DNAH8: variants seen among roughly 807,000 people sequenced by gnomAD.
The protein encoded by DNAH8 is axonemal beta dynein heavy chain 8.
DNAH8 carries 382 observed loss-of-function variants against 562.1 expected under a neutral mutation model. That is an observed-to-expected ratio of 0.68 (90% CI 0.63 to 0.74). The LOEUF is 0.74. DNAH8 is among the 30% of genes least tolerant of loss of function. The probability of loss-of-function intolerance (pLI) is 0.00; values close to 1 mark genes in which losing one functional copy is unlikely to be tolerated. For synonymous variants in DNAH8, 1,881 were observed against 1,919.4 expected, an observed-to-expected ratio of 0.98 and a Z score of 0.52; for missense variants, 5,203 against 5,620.4, an observed-to-expected ratio of 0.93 and a Z score of 2.37.
At chr6:38,849,430 C>G (rs1028370666) in intron 37 of DNAH8, among the ~76,000 whole-genome samples, 86 of 151,992 alleles carry the variant, frequency 5.7e-4, no homozygotes, top group African/African-American at 2.0e-3. Flanking sequence ...AAATAAATGC[C>G]AATAACTGTA....
At position 38,937,479 on chromosome 6, in the gene DNAH8, C is replaced by T. The variant is rs143106145; in HGVS notation, c.11564-495C>T. On this transcript the variant is annotated intron_variant, in intron 77 of 92. Coordinates refer to ENST00000327475, the MANE Select transcript of DNAH8 (RefSeq NM_001206927.2). ...GAGGGATTAGAGTTTTCTATAGCAA[C>T]GACTGTTCTACTAAAGCAGTGTGAG... Among the ~76,000 whole-genome samples the T allele has an allele frequency of 1.5e-3, 222 of 152,226 alleles. 1 individual carries two copies. Among genetic ancestry groups the T allele is most frequent in the African/African-American group, 5.1e-3 (212 of 41,534 alleles).
intron 85 of DNAH8, among the ~76,000 whole-genome samples, chr6:38,981,809 C>A (rs1218215576): frequency 1.3e-5 from 2 of 152,190 alleles, no homozygotes; most frequent in African/African-American, 2.4e-5. Context: ...CTTGGCAAAT[C>A]TTTGGAGATT....
At position 39,013,542 on chromosome 6, in the gene DNAH8, A is replaced by C. The variant is rs1431739820; in HGVS notation, c.13714+905A>C. Among the ~76,000 whole-genome samples the C allele has an allele frequency of 2.0e-5, 3 of 152,322 alleles. No individual in the cohort carries two copies. The East Asian group carries it at 5.8e-4, about 29-fold the overall frequency. On this transcript the variant is annotated intron_variant, in intron 91 of 92. Transcript: ENST00000327475. ...AAGTCAGGATAATGACTGTAGAAGG[A>C]GGGCAGTGATTAGAAAAAGGCACAA...
At chr6:38,829,852 C>T (rs2150350260) in intron 30 of DNAH8, among the ~76,000 whole-genome samples, 1 of 152,266 alleles carries the variant, frequency 6.6e-6, no homozygotes, top group Non-Finnish European at 1.5e-5. Context: ...AACCAATCTC[C>T]AGAACTTGCA....
At chr6:38,864,455 A>G (rs1231041513) in intron 45 of DNAH8, among the ~76,000 whole-genome samples, 1 of 152,200 alleles carries the variant, frequency 6.6e-6, no homozygotes, top group African/African-American at 2.4e-5. Flanking sequence ...CTGTCATGCC[A>G]CATGTCCACT....
At position 38,979,024 on chromosome 6, in the gene DNAH8, C is replaced by T. The variant is rs370897029; in HGVS notation, c.12835-3322C>T. Among the ~76,000 whole-genome samples the T allele has an allele frequency of 9.2e-5, 14 of 152,358 alleles. No individual in the cohort carries two copies. In the South Asian group the frequency reaches 2.1e-3, roughly 23 times the overall value. ...CTTGAAGCACGTGACCACTGAGTTG[C>T]TGCTACTCACCAGAACTAGCCCGCT... On this transcript the variant is annotated intron_variant, in intron 85 of 92. Transcript: ENST00000327475.
chr6:39,005,801 T>G (rs935522743), intron 88 of DNAH8, among the ~76,000 whole-genome samples: 5 of 152,250 alleles, frequency 3.3e-5, no homozygotes, highest in African/African-American at 1.2e-4. Context: ...AGGAATTGAC[T>G]GCCAGTGTAA....
intron 7 of DNAH8, among the ~76,000 whole-genome samples, chr6:38,740,014 A>T (rs984818513): frequency 3.3e-5 from 5 of 152,196 alleles, no homozygotes; most frequent in Admixed American, 6.5e-5. Flanking sequence ...TTTGTAATAT[A>T]ACCTCTGTCA....
chr6:38,996,962 C>G (rs567438166), intron 88 of DNAH8, among the ~76,000 whole-genome samples: 2 of 148,486 alleles, frequency 1.3e-5, no homozygotes, highest in East Asian at 4.4e-4. Context: ...GGCCCTGGAC[C>G]CCTGCCTAAA....
At chr6:38,891,390 T>C (rs1213908334) in intron 58 of DNAH8, among the ~76,000 whole-genome samples, 2 of 152,200 alleles carry the variant, frequency 1.3e-5, no homozygotes, top group African/African-American at 2.4e-5. Context: ...CAAAAAGCCA[T>C]GAAGGAGATA....
At chr6:38,969,706 T>C (rs1583475853) in intron 82 of DNAH8, among the ~76,000 whole-genome samples, 1 of 59,722 alleles carries the variant, frequency 1.7e-5, no homozygotes, top group Non-Finnish European at 3.3e-5. Context: ...AAAAGGTGTG[T>C]GTGGGGGGGA....
At chr6:38,909,802 G>A in intron 65 of DNAH8, 58 bp downstream of exon 65, 1 of 1,348,834 alleles carries the variant, frequency 7.4e-7, no homozygotes, top group Non-Finnish European at 1.1e-6. Flanking sequence ...TTCCCAAGAG[G>A]AATGCATTGT....
At chr6:38,835,832 T>C (rs1774239294) in intron 32 of DNAH8, among the ~76,000 whole-genome samples, 1 of 152,122 alleles carries the variant, frequency 6.6e-6, no homozygotes. Flanking sequence ...TGGAGGGTTC[T>C]AAGCAGGGAG....
intron 1 of DNAH8, among the ~76,000 whole-genome samples, chr6:38,715,958 A>ATTTTTTTTTTTTTTTTT (rs1454056787): frequency 3.2e-5 from 1 of 31,048 alleles, no homozygotes; most frequent in African/African-American, 2.2e-4. Flanking sequence ...ATATATATAT[A>ATTTTTTTTTTTTTTTTT]TATTTTTTTT....
At chr6:38,718,096 T>C (rs1762481604) in intron 1 of DNAH8, among the ~76,000 whole-genome samples, 1 of 152,200 alleles carries the variant, frequency 6.6e-6, no homozygotes, top group South Asian at 2.1e-4. Flanking sequence ...TGCATTAAAA[T>C]TTTATTGAAC....
At chr6:39,016,103 C>T (rs569524004) in intron 91 of DNAH8, among the ~76,000 whole-genome samples, 2 of 152,356 alleles carry the variant, frequency 1.3e-5, no homozygotes, top group South Asian at 4.1e-4. Flanking sequence ...AGAGTCCTTT[C>T]CCACTGGAAG....
intron 89 of DNAH8, among the ~76,000 whole-genome samples, chr6:39,011,027 C>A (rs937553440): frequency 3.3e-5 from 5 of 151,998 alleles, no homozygotes; most frequent in Non-Finnish European, 5.9e-5. Context: ...CACTGGCATG[C>A]TTGACTGATT....
chr6:38,863,963 T>C lies in DNAH8; in HGVS notation c.6401T>C (p.Ile2134Thr). 6.2e-7 allele frequency: 1 copy of C among 1,613,066 alleles called. No homozygotes were observed. The highest frequency in any genetic ancestry group is 8.5e-7 in the Non-Finnish European group (1 of 1,179,798). ...VLSVAAQQIYIVLTARKERKK... is the reference protein window; with the variant it reads ...VLSVAAQQIYTVLTARKERKK... ...TCAGTGGCAGCACAACAAATTTATA[T>C]TGTTTTGACAGCAAGAAAAGAAAGA... Residue 2134 changes from isoleucine to threonine, a missense_variant, in exon 45 of 93, where the codon ATT (isoleucine) becomes ACT (threonine). Around this residue, in one of 6 missense-constraint regions of DNAH8, gnomAD observed 2,176 missense variants for 2,365.1 expected, o/e 0.92. Transcript: ENST00000327475.
intron 82 of DNAH8, among the ~76,000 whole-genome samples, chr6:38,956,549 A>T (rs936342182): frequency 1.1e-4 from 17 of 152,184 alleles, no homozygotes; most frequent in South Asian, 6.2e-4. Context: ...CTCCTGCTGC[A>T]TTTGGAAACT....
Sources: allele counts gnomAD v4.1 joint callset (sites outside exome capture counted in the v4.1 genomes callset), GRCh38; gene constraint gnomAD v4.1.1; regional missense constraint gnomAD v4.1.1; transcripts MANE v1.5; gene names NCBI Gene and HGNC (gene_info 2026-07-23, HGNC 2026-07-21).